The following CLDN10 variants were observed in gnomAD, a reference collection of about 807,000 sequenced individuals.
CLDN10 encodes the protein claudin 10.
Under a neutral mutation model 22.9 loss-of-function variants are expected in CLDN10, and 15 were observed. That is an observed-to-expected ratio of 0.65 (90% CI 0.44 to 1.01). The LOEUF (loss-of-function observed/expected upper bound fraction) is 1.01. CLDN10 is among the 50% of genes least tolerant of loss of function. CLDN10 has a pLI of 0.00. For missense variants in CLDN10, 247 were observed against 287.8 expected (o/e 0.86, Z 1.03); for synonymous variants, 114 against 111.4 (o/e 1.02, Z -0.15).
chr13:95,439,293 C>T (rs993349321), intron 1 of CLDN10, among the ~76,000 whole-genome samples: 3 of 151,954 alleles, frequency 2.0e-5, no homozygotes, highest in African/African-American at 7.3e-5. Flanking sequence ...CTCACTGCAT[C>T]CTCACATGGT....
intron 3 of CLDN10, among the ~76,000 whole-genome samples, chr13:95,565,317 G>A (rs2043771203): frequency 6.6e-6 from 1 of 152,152 alleles, no homozygotes; most frequent in African/African-American, 2.4e-5. Flanking sequence ...TCAACATTAA[G>A]AAACTTCTTT....
intron 1 of CLDN10, among the ~76,000 whole-genome samples, chr13:95,530,913 A>C (rs1180617762): frequency 6.6e-6 from 1 of 152,018 alleles, no homozygotes; most frequent in Non-Finnish European, 1.5e-5. Context: ...CAATGAGAAG[A>C]AACTGATCAT....
At chr13:95,552,584 C>A, upstream of CLDN10, 1 of 746,932 alleles carries the variant, frequency 1.3e-6, no homozygotes, top group Non-Finnish European at 2.0e-6. Flanking sequence ...AGGGACAGGG[C>A]ATGGGTGTGA....
intron 1 of CLDN10, among the ~76,000 whole-genome samples, chr13:95,522,052 T>C (rs1201529373): frequency 6.6e-6 from 1 of 152,076 alleles, no homozygotes; most frequent in Non-Finnish European, 1.5e-5. Flanking sequence ...CTGCTTCTTT[T>C]CTTTTTCTTT....
chr13:95,434,329 A>G (rs1026226895), intron 1 of CLDN10, among the ~76,000 whole-genome samples: 2 of 152,094 alleles, frequency 1.3e-5, no homozygotes, highest in African/African-American at 4.8e-5. Context: ...TTTAAAAGTC[A>G]GTTTCAATTT....
At chr13:95,473,164 A>G (rs1332053668) in intron 1 of CLDN10, among the ~76,000 whole-genome samples, 8 of 142,910 alleles carry the variant, frequency 5.6e-5, no homozygotes, top group Admixed American at 7.0e-5. Context: ...AAAAAAGGAG[A>G]GAGAGAGAGA....
At chr13:95,522,498 G>T (rs1442135758) in intron 1 of CLDN10, among the ~76,000 whole-genome samples, 1 of 151,966 alleles carries the variant, frequency 6.6e-6, no homozygotes, top group Non-Finnish European at 1.5e-5. Context: ...AATTTATTGA[G>T]ATTTGTTTGT....
chr13:95,505,816 G>A (rs768331993), intron 1 of CLDN10, among the ~76,000 whole-genome samples: 16 of 134,318 alleles, frequency 1.2e-4, no homozygotes, highest in Non-Finnish European at 1.8e-4. Flanking sequence ...GTGCAATGGT[G>A]CAATCTCGGC....
At chr13:95,443,502 G>A (rs1368228535) in intron 1 of CLDN10, among the ~76,000 whole-genome samples, 1 of 152,192 alleles carries the variant, frequency 6.6e-6, no homozygotes, top group African/African-American at 2.4e-5. Context: ...GACATGGCAT[G>A]GCACGCGAGA....
At chr13:95,544,694 C>A (rs902068306) in intron 1 of CLDN10, among the ~76,000 whole-genome samples, 2 of 152,120 alleles carry the variant, frequency 1.3e-5, no homozygotes, top group African/African-American at 4.8e-5. Context: ...AATCACGAAG[C>A]CTCCTAGTAA....
chr13:95,571,104 C>T (rs1261186660), intron 3 of CLDN10, among the ~76,000 whole-genome samples: 2 of 151,782 alleles, frequency 1.3e-5, no homozygotes, highest in Non-Finnish European at 2.9e-5. Context: ...ATCCTTGAAA[C>T]ATGTTCATTT....
rs376286192 is a variant in CLDN10 at position 95,512,919 on chromosome 13, G to A, written c.215-47213G>A. On this transcript the variant is annotated intron_variant, in intron 1 of 4. Transcript: ENST00000376873. The stretch of plus-strand genomic sequence containing the variant: ...GAGACAGGGTCTCTCTCTGTTGCCC[G>A]GGCTGGAGTCCAGTGGCACAATCTT... Among the ~76,000 whole-genome samples the A allele has an allele frequency of 8.6e-5, 13 of 152,046 alleles. No homozygotes were observed. In the East Asian group the frequency reaches 1.2e-3, roughly 14 times the overall value.
intron 1 of CLDN10, among the ~76,000 whole-genome samples, chr13:95,441,200 G>T (rs1234351814): frequency 6.6e-6 from 1 of 152,224 alleles, no homozygotes; most frequent in East Asian, 1.9e-4. Flanking sequence ...AGAAAAGGGA[G>T]AAAGTCCTAG....
At chr13:95,548,962 T>G (rs1395052229), upstream of CLDN10, among the ~76,000 whole-genome samples, 3 of 152,246 alleles carry the variant, frequency 2.0e-5, no homozygotes, top group Non-Finnish European at 4.4e-5. Flanking sequence ...TTTAGTTGGC[T>G]AAACTGGTTT....
intron 1 of CLDN10, among the ~76,000 whole-genome samples, chr13:95,544,360 T>C (rs1325568563): frequency 6.6e-6 from 1 of 152,132 alleles, no homozygotes; most frequent in African/African-American, 2.4e-5. Flanking sequence ...CTTAACTCTA[T>C]AGGATTACAT....
Position 95,532,101 on chromosome 13 carries a change from G to GA in CLDN10, c.215-28031_215-28030insA, listed in dbSNP as rs2043349470. ...GAATATCATCATGACTTGGGGGTAG[G>GA]CAAAGGTTTCATAAGATAGGTCATA... On this transcript the variant is annotated intron_variant, in intron 1 of 4. Coordinates refer to the CLDN10 transcript ENST00000376873. 2.0e-5 allele frequency among the ~76,000 whole-genome samples: 3 copies of GA among 152,208 alleles called. No individual in the cohort carries two copies. In the South Asian group the frequency reaches 6.2e-4, roughly 32 times the overall value.
intron 1 of CLDN10, among the ~76,000 whole-genome samples, chr13:95,452,093 G>T (rs3927664): frequency 0.076 from 11,622 of 152,182 alleles, 671 homozygotes; most frequent in South Asian, 0.22. Flanking sequence ...CCTATCATTT[G>T]CTACCAAGCT....
intron 1 of CLDN10, among the ~76,000 whole-genome samples, chr13:95,464,958 C>T (rs542543892): frequency 6.6e-6 from 1 of 152,250 alleles, no homozygotes; most frequent in Admixed American, 6.5e-5. Context: ...AACTCCTGAC[C>T]TCAAGTCATC....
chr13:95,545,688 A>AT (rs754553788), intron 1 of CLDN10, among the ~76,000 whole-genome samples: 10 of 152,242 alleles, frequency 6.6e-5, no homozygotes, highest in South Asian at 2.1e-4. Flanking sequence ...AAATAACAAT[A>AT]TTTTTTATGG....
Sources: allele counts gnomAD v4.1 joint callset (sites outside exome capture counted in the v4.1 genomes callset), GRCh38; gene constraint gnomAD v4.1.1; transcripts MANE v1.5; gene names NCBI Gene and HGNC (gene_info 2026-07-23, HGNC 2026-07-21).